The following UMOD variants were observed in gnomAD, a reference collection of about 807,000 sequenced individuals.
UMOD encodes the protein Tamm-Horsfall urinary glycoprotein.
A neutral mutation model predicts 66.0 loss-of-function variants in UMOD; 64 were observed. That is an observed-to-expected ratio of 0.97 (90% CI 0.79 to 1.19). The LOEUF is 1.19. Among genes scored for constraint, UMOD ranks in the 50% most tolerant of loss-of-function variants. The probability of loss-of-function intolerance (pLI) is 0.00; values close to 1 mark genes in which losing one functional copy is unlikely to be tolerated. For missense variants in UMOD, 764 were observed against 850.9 expected (o/e 0.90, Z 1.27); for synonymous variants, 398 against 352.7 (o/e 1.13, Z -1.44).
At chr16:20,349,693 G>A (rs1054745019) in intron 2 of UMOD, 16 of 1,484,784 alleles carry the variant, frequency 1.1e-5, no homozygotes, top group Middle Eastern at 1.8e-4. Context: ...AAAGTAATGC[G>A]CAGAATTCCT....
chr16:20,354,114 C>T (rs1273415254), upstream of UMOD, among the ~76,000 whole-genome samples: 1 of 152,168 alleles, frequency 6.6e-6, no homozygotes, highest in Non-Finnish European at 1.5e-5. Context: ...CATAGTATTC[C>T]ACGGTGTATA....
chr16:20,355,184 T>G (rs1240427540), upstream of UMOD, among the ~76,000 whole-genome samples: 2 of 152,128 alleles, frequency 1.3e-5, no homozygotes, highest in Admixed American at 1.3e-4. Flanking sequence ...GTGTGTCCCC[T>G]TCTCTTGGGA....
At chr16:20,344,461 G>A (rs962127234) in intron 5 of UMOD, among the ~76,000 whole-genome samples, 5 of 152,184 alleles carry the variant, frequency 3.3e-5, no homozygotes, top group Non-Finnish European at 5.9e-5. Context: ...AAAGTAGCCG[G>A]GCGTGGTGGT....
Position 20,350,808 on chromosome 16 carries a change from A to G in UMOD, c.-71T>C, listed in dbSNP as rs760919061. On this transcript the variant is annotated 5_prime_UTR_variant, in exon 2 of 11. Transcript: ENST00000396138. The stretch of plus-strand genomic sequence containing the variant: ...AAAGGAAAGACGGGTTGGCCCTTTG[A>G]ATTTTTCTCTCTGTCTCTGATGTCT... 6.2e-7 allele frequency: 1 copy of G among 1,603,140 alleles called. No homozygotes were observed. Among genetic ancestry groups the G allele is most frequent in the Non-Finnish European group, 8.5e-7 (1 of 1,174,872 alleles).
At chr16:20,346,891 A>AAGAAAGAG (rs1965617074) in intron 4 of UMOD, among the ~76,000 whole-genome samples, 1 of 4,152 alleles carries the variant, frequency 2.4e-4, no homozygotes, top group African/African-American at 1.7e-3. Flanking sequence ...GAGAGAAAGA[A>AAGAAAGAG]AGAAAGAAAG....
At chr16:20,349,258 A>G in intron 2 of UMOD, 46 bp from the exon 3 acceptor site, 3 of 1,591,214 alleles carry the variant, frequency 1.9e-6, no homozygotes, top group Non-Finnish European at 2.6e-6. Context: ...AGCTGGGCCC[A>G]TGGCCACCCA....
At chr16:20,349,570 C>A in intron 2 of UMOD, 2 of 1,174,786 alleles carry the variant, frequency 1.7e-6, no homozygotes, top group Non-Finnish European at 2.3e-6. Flanking sequence ...CCTGCCTCAG[C>A]TTCCCAAAAA....
intron 8 of UMOD, among the ~76,000 whole-genome samples, 194 bp from the exon 9 acceptor site, chr16:20,336,921 C>A (rs968249661): frequency 1.2e-4 from 18 of 152,172 alleles, no homozygotes; most frequent in African/African-American, 4.3e-4. Context: ...CTCAGGCAAG[C>A]CACTGAAGTT....
At chr16:20,345,394 C>CT (rs879393522) in intron 5 of UMOD, among the ~76,000 whole-genome samples, 12 of 121,640 alleles carry the variant, frequency 9.9e-5, no homozygotes, top group African/African-American at 3.0e-4. Context: ...CCTTTCTTTT[C>CT]TTTTTTTTTC....
At chr16:20,349,659 T>C (rs1965792610) in intron 2 of UMOD, 1 of 1,394,746 alleles carries the variant, frequency 7.2e-7, no homozygotes, top group African/African-American at 1.5e-5. Context: ...CAAGCTGTCT[T>C]CTTTTAAAAT....
chr16:20,351,076 A>G, intron 1 of UMOD: 1 of 376,408 alleles, frequency 2.7e-6, no homozygotes, highest in East Asian at 6.4e-5. Context: ...CATTTTGAAG[A>G]ACTCAGTCAT....
chr16:20,336,657 A>C lies in UMOD; in HGVS notation c.1811T>G (p.Ile604Ser). The change falls in exon 9 of 11, where the codon ATC (isoleucine) becomes AGC (serine). Residue 604 changes from isoleucine (I) to serine (S), a missense_variant. Transcript: ENST00000396138. ...DQSRVLNLGP[I>S]TRKGVQATVS... ...AGTGGCTCTCTTACCTTTCCGTGTG[A>C]TGGGACCCAAGTTCAGGACACGGGA... The C allele has an allele frequency of 6.2e-7, 1 of 1,614,004 alleles. No individual in the cohort carries two copies. The highest frequency in any genetic ancestry group is 8.5e-7 in the Non-Finnish European group (1 of 1,179,928).
At chr16:20,334,032 C>CAAAAAA (rs575596167) in intron 10 of UMOD, among the ~76,000 whole-genome samples, 6 of 57,082 alleles carry the variant, frequency 1.1e-4, no homozygotes, top group South Asian at 8.2e-4. Flanking sequence ...GATTCCATCT[C>CAAAAAA]AAAAAAAAAA....
chr16:20,344,207 G>GGGGGGGGGGGC, intron 5 of UMOD, 35 bp from the exon 6 acceptor site: 3 of 1,360,770 alleles, frequency 2.2e-6, no homozygotes, highest in Non-Finnish European at 3.1e-6. Context: ...GGGGGGTGGG[G>GGGGGGGGGGGC]ATGAGAGAAA....
At chr16:20,334,756 G>A (rs1272482333) in intron 10 of UMOD, among the ~76,000 whole-genome samples, 2 of 152,016 alleles carry the variant, frequency 1.3e-5, no homozygotes, top group Non-Finnish European at 2.9e-5. Flanking sequence ...GAGAAGTGGG[G>A]TTTCTTATTT....
intron 5 of UMOD, among the ~76,000 whole-genome samples, chr16:20,345,766 G>C (rs1037448911): frequency 1.3e-5 from 2 of 151,980 alleles, no homozygotes; most frequent in South Asian, 4.2e-4. Flanking sequence ...GAGACAAATA[G>C]ACTAGTTTCT....
In UMOD at chr16:20,344,178, G is replaced by T. The variant is rs776007463; in HGVS notation, c.1183-6C>A. The T allele has an allele frequency of 6.6e-7, 1 of 1,525,230 alleles. No individual in the cohort carries two copies. The highest frequency in any genetic ancestry group is 1.1e-5 in the South Asian group (1 of 89,724). 94.5% of individuals were successfully genotyped at this position (1,525,230 alleles called of 1,614,324 possible). On this transcript the variant is annotated splice_polypyrimidine_tract_variant and splice_region_variant and intron_variant, in intron 5 of 10. Transcript: ENST00000396138. ...GTGGCATGGGTTTCATTCCTCTGTT[G>T]CAGGGAATGGGGGTGGAGGGGGGGT...
rs906563731 is a variant in UMOD, at chr16:20,335,358, T to C, written c.1861+124A>G. The C allele has an allele frequency of 6.0e-5, 58 of 968,594 alleles. 1 individual carries two copies. In the South Asian group the frequency reaches 8.2e-4, roughly 14 times the overall value. The allele number at this position is 968,594 out of a possible 1,614,324, so 60.0% of individuals were successfully genotyped here. On this transcript the variant is annotated intron_variant, in intron 10 of 10. Coordinates refer to ENST00000396138, the MANE Select transcript of UMOD (RefSeq NM_003361.4). The stretch of plus-strand genomic sequence containing the variant: ...CAGGTTCTCTGAGCCACTCTCCTTA[T>C]TTAGAAAACGGAACTAGTAACACCT...
chr16:20,335,647 A>C, intron 9 of UMOD, 127 bp from the exon 10 acceptor site: 5 of 868,346 alleles, frequency 5.8e-6, no homozygotes, highest in Non-Finnish European at 9.5e-6. Context: ...CCCAAATCTG[A>C]TCATGTTACT....
Sources: gnomAD v4.1 joint callset for allele counts (sites outside exome capture counted in the v4.1 genomes callset) on GRCh38, gnomAD v4.1.1 for gene constraint, MANE v1.5 for transcripts, NCBI Gene and HGNC (gene_info 2026-07-23, HGNC 2026-07-21) for gene names.